Variants in ATF7IP observed in about 807,000 individuals in gnomAD.
The protein encoded by ATF7IP is activating transcription factor 7-interacting protein 1.
ATF7IP carries 23 observed loss-of-function variants against 106.4 expected under a neutral mutation model. The observed-to-expected ratio is 0.22, with a 90% CI of 0.16 to 0.31. The LOEUF (loss-of-function observed/expected upper bound fraction) is 0.31. Among genes scored for constraint, ATF7IP ranks in the 10% least tolerant of loss-of-function variants. The probability of loss-of-function intolerance (pLI) is 1.00; values close to 1 mark genes in which losing one functional copy is unlikely to be tolerated. For synonymous variants in ATF7IP, 542 were observed against 539.0 expected (o/e 1.01, Z -0.08); for missense variants, 1,334 against 1,524.3 (o/e 0.88, Z 2.08).
intron 2 of ATF7IP, among the ~76,000 whole-genome samples, chr12:14,429,835 T>A (rs543890681): frequency 2.0e-5 from 3 of 152,212 alleles, no homozygotes; most frequent in Non-Finnish European, 2.9e-5. Context: ...AAGTTGCAGA[T>A]TTTTCTTTTC....
In ATF7IP at chr12:14,425,068, G is replaced by A; in HGVS notation, c.1153G>A (p.Ala385Thr). 6.2e-7 allele frequency: 1 copy of A among 1,600,190 alleles called. No homozygotes were observed. The highest frequency in any genetic ancestry group is 8.5e-7 in the Non-Finnish European group (1 of 1,176,366). ...IITELALGED[A>T]ISSSMEIDQG... Reference sequence around the variant, plus strand: ...CACAGAGCTTGCTCTTGGAGAAGATGCTATATCTAGCAGTATGGAAATTGA... The same window carrying A: ...CACAGAGCTTGCTCTTGGAGAAGATACTATATCTAGCAGTATGGAAATTGA... The change falls in exon 2 of 15, where the codon GCT (alanine) becomes ACT (threonine). Residue 385 changes from alanine (A) to threonine (T), a missense_variant. By Grantham distance (58) the Ala-to-Thr change is moderately conservative. Transcript: ENST00000261168.
chr12:14,480,532 A>G (rs924114289), intron 12 of ATF7IP, among the ~76,000 whole-genome samples: 7 of 152,198 alleles, frequency 4.6e-5, no homozygotes, highest in Non-Finnish European at 8.8e-5. Flanking sequence ...CACTTGAAAA[A>G]TAAATGTGAA....
chr12:14,450,168 G>A (rs1337160300), intron 6 of ATF7IP, among the ~76,000 whole-genome samples: 1 of 151,888 alleles, frequency 6.6e-6, no homozygotes, highest in African/African-American at 2.4e-5. Context: ...TCTTTTTCTT[G>A]CATAATTGTT....
intron 9 of ATF7IP, among the ~76,000 whole-genome samples, chr12:14,465,677 T>C (rs2136745809): frequency 6.6e-6 from 1 of 152,236 alleles, no homozygotes; most frequent in South Asian, 2.1e-4. Context: ...CCCAACTTGA[T>C]TTTTTAGACA....
chr12:14,481,770 A>G, intron 13 of ATF7IP: 2 of 193,818 alleles, frequency 1.0e-5, no homozygotes, highest in South Asian at 1.6e-4. Context: ...TAGAGTGGGA[A>G]TGGTCAATTG....
chr12:14,467,554 C>G (rs1943880680), intron 10 of ATF7IP, among the ~76,000 whole-genome samples: 1 of 152,112 alleles, frequency 6.6e-6, no homozygotes, highest in South Asian at 2.1e-4. Context: ...GATTGAGATA[C>G]TTTCTGGAAG....
intron 2 of ATF7IP, among the ~76,000 whole-genome samples, chr12:14,432,034 A>C (rs1199346999): frequency 6.6e-6 from 1 of 152,064 alleles, no homozygotes; most frequent in Non-Finnish European, 1.5e-5. Flanking sequence ...GGAAACTGGG[A>C]GTTGGGTGAT....
chr12:14,388,561 G>A (rs1020334947), intron 1 of ATF7IP, among the ~76,000 whole-genome samples: 3 of 152,084 alleles, frequency 2.0e-5, no homozygotes, highest in Admixed American at 6.6e-5. Flanking sequence ...TGGCTAGGCT[G>A]GTCTTGAACT....
At chr12:14,458,411 C>T (rs887107373) in intron 8 of ATF7IP, among the ~76,000 whole-genome samples, 2 of 152,054 alleles carry the variant, frequency 1.3e-5, no homozygotes, top group African/African-American at 4.8e-5. Flanking sequence ...AAGGGCTAGC[C>T]CTTACAGATA....
intron 1 of ATF7IP, among the ~76,000 whole-genome samples, chr12:14,403,163 CTTAA>C (rs1477282088): frequency 2.6e-5 from 4 of 151,814 alleles, no homozygotes; most frequent in African/African-American, 9.7e-5. Flanking sequence ...TTTATCAGTG[CTTAA>C]TTTTAATTTT....
At chr12:14,431,225 G>C (rs1225996471) in intron 2 of ATF7IP, among the ~76,000 whole-genome samples, 2 of 152,112 alleles carry the variant, frequency 1.3e-5, no homozygotes, top group East Asian at 1.9e-4. Context: ...AAAATTATGA[G>C]ATCTGGTATC....
chr12:14,469,672 C>T (rs1943968069), intron 10 of ATF7IP, among the ~76,000 whole-genome samples: 1 of 151,962 alleles, frequency 6.6e-6, no homozygotes, highest in African/African-American at 2.4e-5. Context: ...CAAGATTCAC[C>T]TTTAAGTTTG....
intron 1 of ATF7IP, among the ~76,000 whole-genome samples, chr12:14,384,135 A>G (rs1018202841): frequency 6.0e-4 from 91 of 152,212 alleles, no homozygotes; most frequent in Non-Finnish European, 7.3e-5. Context: ...TTGTCAAGTC[A>G]TAGGGCCAAT....
intron 1 of ATF7IP, among the ~76,000 whole-genome samples, chr12:14,418,297 T>C (rs926489241): frequency 1.1e-4 from 17 of 152,238 alleles, no homozygotes; most frequent in Admixed American, 1.1e-3. Context: ...TTGACTCTCA[T>C]CCTCATGAAA....
At chr12:14,426,936 A>G (rs1183629031) in intron 2 of ATF7IP, among the ~76,000 whole-genome samples, 1 of 150,884 alleles carries the variant, frequency 6.6e-6, no homozygotes, top group Non-Finnish European at 1.5e-5. Flanking sequence ...AGATTTGAAG[A>G]TAGTATTTGC....
chr12:14,460,977 A>G lies in ATF7IP; in HGVS notation c.2641A>G (p.Ile881Val), dbSNP rs770713270. 1 of 1,613,920 alleles carries G rather than the reference A, an allele frequency of 6.2e-7. No homozygotes were observed. Among genetic ancestry groups the G allele is most frequent in the Non-Finnish European group, 8.5e-7 (1 of 1,179,934 alleles). ...GCAGGCTGTTCCAACAGCACACTCT[A>G]TTGTACAAGCCACAAGGACTTCTTT... ...AVQAVPTAHS[I>V]VQATRTSLPT... Residue 881 changes from isoleucine to valine, a missense_variant, in exon 9 of 15, where the codon ATT becomes GTT. Around this residue, in one of 10 missense-constraint regions of ATF7IP, gnomAD observed 370 missense variants for 401.2 expected, o/e 0.92. Coordinates refer to ENST00000261168, the MANE Select transcript of ATF7IP (RefSeq NM_018179.5).
chr12:14,451,588 C>T (rs1943204649), intron 6 of ATF7IP, among the ~76,000 whole-genome samples: 1 of 149,912 alleles, frequency 6.7e-6, no homozygotes, highest in African/African-American at 2.4e-5. Context: ...CTGAAGATAT[C>T]TTGTAATTTA....
rs1945147901 is a variant in ATF7IP, at chr12:14,501,064, G to A, written c.*2991G>A. On this transcript the variant is annotated 3_prime_UTR_variant, in exon 15 of 15. Coordinates refer to ENST00000261168, the MANE Select transcript of ATF7IP (RefSeq NM_018179.5). ...AGTTAGAACACTAGGCTTTTATTGA[G>A]GCAGGTTTTAATATTGATAGATGCT... 1 of 152,152 alleles carries A rather than the reference G, an allele frequency of 6.6e-6. No individual in the cohort carries two copies. The highest frequency in any genetic ancestry group is 2.4e-5 in the African/African-American group (1 of 41,436). 9.4% of individuals were successfully genotyped at this position (152,152 alleles called of 1,614,324 possible).
In ATF7IP at chr12:14,446,400, G is replaced by A. The variant is rs536391877; in HGVS notation, c.1930-588G>A. Among the ~76,000 whole-genome samples, 21 of 152,154 alleles carry A rather than the reference G, an allele frequency of 1.4e-4. No homozygotes were observed. In the South Asian group the frequency reaches 1.9e-3, roughly 14 times the overall value. On this transcript the variant is annotated intron_variant, in intron 5 of 14. Transcript: ENST00000261168. The stretch of plus-strand genomic sequence containing the variant: ...TGGCCTTAGGTGATCCACCTGCCTC[G>A]GCCTCCTAAAGTGCTGGAATTACAG...
Sources: gnomAD v4.1 joint callset for allele counts (sites outside exome capture counted in the v4.1 genomes callset) on GRCh38, gnomAD v4.1.1 for gene constraint, gnomAD v4.1.1 regional missense constraint, MANE v1.5 for transcripts, NCBI Gene and HGNC (gene_info 2026-07-23, HGNC 2026-07-21) for gene names.